HDHD5: variants seen among roughly 807,000 people sequenced by gnomAD.
HDHD5 encodes haloacid dehalogenase like hydrolase domain containing 5.
HDHD5 carries 34 observed loss-of-function variants against 35.5 expected under a neutral mutation model. The ratio of observed to expected loss-of-function variants is 0.96; its 90% CI spans 0.73 to 1.28. The LOEUF (loss-of-function observed/expected upper bound fraction) is 1.28, where lower values mean the gene tolerates loss of function less well. HDHD5 is among the 50% of genes most tolerant of loss of function. The pLI is 0.00. For missense variants in HDHD5, 589 were observed against 560.2 expected (o/e 1.05, Z -0.52); for synonymous variants, 248 against 240.6 (o/e 1.03, Z -0.29).
chr22:17,160,276 G>A, upstream of HDHD5, among the ~76,000 whole-genome samples: 1 of 151,630 alleles, frequency 6.6e-6, no homozygotes, highest in East Asian at 1.9e-4. Flanking sequence ...ACTTTGGAAG[G>A]TCAAGGTGGG....
intron 2 of HDHD5, 71 bp downstream of exon 2, chr22:17,149,471 C>G: frequency 6.9e-7 from 1 of 1,456,000 alleles, no homozygotes; most frequent in Non-Finnish European, 9.5e-7. Context: ...GGGAAAGGGA[C>G]TTGGAGCTGG....
chr22:17,149,819 C>A, intron 1 of HDHD5, 74 bp from the exon 2 acceptor site: 1 of 1,330,148 alleles, frequency 7.5e-7, no homozygotes, highest in Non-Finnish European at 1.1e-6. Flanking sequence ...GGCTCAACAC[C>A]ATCCTCGGGT....
intron 1 of HDHD5, among the ~76,000 whole-genome samples, chr22:17,155,561 A>C (rs371933783): frequency 3.3e-5 from 5 of 152,012 alleles, no homozygotes; most frequent in African/African-American, 1.2e-4. Flanking sequence ...CTGCTTTCTT[A>C]AAAATAAGAA....
At chr22:17,158,975 C>T (rs1471798112) in intron 1 of HDHD5, 151 bp downstream of exon 1, 1 of 698,806 alleles carries the variant, frequency 1.4e-6, no homozygotes, top group African/African-American at 1.9e-5. Context: ...CGCCCTCCAG[C>T]AAGAACGCGA....
intron 1 of HDHD5, among the ~76,000 whole-genome samples, chr22:17,150,248 A>G (rs971689401): frequency 1.3e-5 from 2 of 152,196 alleles, no homozygotes; most frequent in African/African-American, 4.8e-5. Context: ...TATCATAAAT[A>G]TTTTTATGGA....
intron 1 of HDHD5, among the ~76,000 whole-genome samples, chr22:17,157,345 G>A (rs551782126): frequency 1.4e-5 from 2 of 146,048 alleles, no homozygotes; most frequent in African/African-American, 2.5e-5. Context: ...TCCGCTCACC[G>A]CAACCTCCCT....
chr22:17,152,495 G>T (rs2061738188), intron 1 of HDHD5, among the ~76,000 whole-genome samples: 1 of 152,110 alleles, frequency 6.6e-6, no homozygotes, highest in African/African-American at 2.4e-5. Context: ...CCGGGAGGGT[G>T]GATGCGGGTA....
At chr22:17,150,962 T>C (rs570157207) in intron 1 of HDHD5, among the ~76,000 whole-genome samples, 4 of 152,366 alleles carry the variant, frequency 2.6e-5, no homozygotes, top group East Asian at 3.9e-4. Context: ...TGAAAAATAA[T>C]GCTACAAGGA....
At position 17,159,226 on chromosome 22, in the gene HDHD5, G is replaced by A; in HGVS notation, c.26C>T (p.Ala9Val). The A allele has an allele frequency of 8.4e-7, 1 of 1,195,272 alleles. No individual in the cohort carries two copies. Among genetic ancestry groups the A allele is most frequent in the Non-Finnish European group, 1.0e-6 (1 of 966,650 alleles). 74.0% of individuals were successfully genotyped at this position (1,195,272 alleles called of 1,614,324 possible). Residue 9 changes from alanine to valine, a missense_variant, in exon 1 of 8, where the codon GCG (alanine) becomes GTG (valine). By Grantham distance (64) the Ala-to-Val change is moderately conservative. Coordinates refer to ENST00000336737, the MANE Select transcript of HDHD5 (RefSeq NM_033070.3). ...GCAAAGCCCACGCGCCGCGCCGAGC[G>A]CAGCCACACAGCCCCACGCAGCCAT... Reference protein sequence around the residue: MAAWGCVAALGAARGLCWR... With the variant: MAAWGCVAVLGAARGLCWR...
chr22:17,138,402 C>T (rs740422), intron 7 of HDHD5, 45 bp from the exon 8 acceptor site: 331,816 of 1,580,360 alleles, frequency 0.21, 36,422 homozygotes, highest in Middle Eastern at 0.28. Flanking sequence ...GAGAAAAAAC[C>T]CTAAATCAAT....
intron 3 of HDHD5, among the ~76,000 whole-genome samples, chr22:17,145,327 G>C (rs2061649787): frequency 6.6e-6 from 1 of 152,138 alleles, no homozygotes; most frequent in African/African-American, 2.4e-5. Context: ...GCAGCTCCTG[G>C]GTAACCCACC....
intron 6 of HDHD5, among the ~76,000 whole-genome samples, chr22:17,139,836 T>G (rs1475086043): frequency 6.6e-6 from 1 of 152,192 alleles, no homozygotes; most frequent in Non-Finnish European, 1.5e-5. Flanking sequence ...TCCCGAAGTG[T>G]TGGGATTACA....
intron 1 of HDHD5, among the ~76,000 whole-genome samples, chr22:17,157,288 A>G (rs1247909005): frequency 1.8e-5 from 2 of 111,926 alleles, no homozygotes; most frequent in East Asian, 2.8e-4. Context: ...TTTTTTTTTG[A>G]TAAGAGTCAG....
intron 1 of HDHD5, among the ~76,000 whole-genome samples, chr22:17,164,313 A>C (rs1041443439): frequency 6.6e-6 from 1 of 151,840 alleles, no homozygotes; most frequent in African/African-American, 2.4e-5. Flanking sequence ...CTGCATCTAG[A>C]TGTCTGTAAA....
chr22:17,145,954 C>T (rs2061657573), intron 3 of HDHD5, among the ~76,000 whole-genome samples: 1 of 152,138 alleles, frequency 6.6e-6, no homozygotes, highest in Non-Finnish European at 1.5e-5. Context: ...CTCCATTTTC[C>T]TATCCTCAAT....
At chr22:17,159,290 C>T (rs755469212), upstream of HDHD5, 8 of 1,235,584 alleles carry the variant, frequency 6.5e-6, no homozygotes, top group Non-Finnish European at 8.1e-6. Context: ...CGTGCGGCCC[C>T]CCCCCCCCGC....
Position 17,159,271 on chromosome 22 carries a change from C to G in HDHD5, c.-20G>C, listed in dbSNP as rs1018888729. 1 of 1,234,238 alleles carries G rather than the reference C, an allele frequency of 8.1e-7. No homozygotes were observed. Among genetic ancestry groups the G allele is most frequent in the African/African-American group, 1.8e-5 (1 of 55,644 alleles). The allele number at this position is 1,234,238 out of a possible 1,614,324, so 76.5% of individuals were successfully genotyped here. A position where few individuals can be genotyped will look rare whatever the true frequency, so the allele number is the denominator to read the frequency against. ...AGCCATCCGGCCGTCGCCGTGCGCA[C>G]GTGCACGGCGTGCGGCCCCCCCCCC... On this transcript the variant is annotated 5_prime_UTR_variant, in exon 1 of 8. Transcript: ENST00000336737.
At position 17,137,783 on chromosome 22, in the gene HDHD5, G is replaced by C. The variant is rs35717458; in HGVS notation, c.*238C>G. On this transcript the variant is annotated 3_prime_UTR_variant, in exon 8 of 8. Coordinates refer to ENST00000336737, the MANE Select transcript of HDHD5 (RefSeq NM_033070.3). ...GAATGGCCTGAGGTTAGACTGCCAC[G>C]AAAGGCACGTGGGAACTGGGCCCAG... is the stretch of plus-strand genomic sequence containing the variant. The C allele has an allele frequency of 3.9e-6, 2 of 513,142 alleles. No individual in the cohort carries two copies. The highest frequency in any genetic ancestry group is 2.6e-5 in the South Asian group (1 of 38,772). 31.8% of individuals were successfully genotyped at this position (513,142 alleles called of 1,614,324 possible).
rs2061550778 is a variant in HDHD5, at chr22:17,137,840, C to T, written c.*181G>A. ...CCAACCGTTCCATACAAAATGCTACCCAGCAGGGAAAAAGAGTCACTGTCT... is the reference window on the plus strand; with the variant it reads ...CCAACCGTTCCATACAAAATGCTACTCAGCAGGGAAAAAGAGTCACTGTCT... On this transcript the variant is annotated 3_prime_UTR_variant, in exon 8 of 8. Transcript: ENST00000336737. 1.7e-6 allele frequency: 1 copy of T among 592,804 alleles called. No individual in the cohort carries two copies. Among genetic ancestry groups the T allele is most frequent in the South Asian group, 2.2e-5 (1 of 45,972 alleles). 36.7% of individuals were successfully genotyped at this position (592,804 alleles called of 1,614,324 possible).
Sources: allele counts gnomAD v4.1 joint callset (sites outside exome capture counted in the v4.1 genomes callset), GRCh38; gene constraint gnomAD v4.1.1; transcripts MANE v1.5; gene names NCBI Gene and HGNC (gene_info 2026-07-23, HGNC 2026-07-21).